The following CPED1 variants were observed in gnomAD, a reference collection of about 807,000 sequenced individuals.
CPED1 encodes cadherin-like and PC-esterase domain-containing protein 1.
Under a neutral mutation model 128.2 loss-of-function variants are expected in CPED1, and 114 were observed. That is an observed-to-expected ratio of 0.89 (90% CI 0.76 to 1.04). The LOEUF is 1.04. CPED1 is among the 50% of genes least tolerant of loss of function. The pLI is 0.00. For missense variants in CPED1, 1,211 were observed against 1,207.1 expected (o/e 1.00, Z -0.05); for synonymous variants, 462 against 426.7 (o/e 1.08, Z -1.02).
At chr7:121,251,989 A>T (rs542771228) in intron 18 of CPED1, among the ~76,000 whole-genome samples, 89 of 151,916 alleles carry the variant, frequency 5.9e-4, no homozygotes, top group African/African-American at 2.1e-3. Flanking sequence ...GAACCAAAAA[A>T]GAGCCCGCAT....
intron 5 of CPED1, among the ~76,000 whole-genome samples, chr7:121,096,406 A>G (rs1176356410): frequency 6.6e-6 from 1 of 152,170 alleles, no homozygotes; most frequent in Non-Finnish European, 1.5e-5. Flanking sequence ...TAGATAAATT[A>G]TATAATTAAA....
Position 121,272,851 on chromosome 7 carries a change from A to C in CPED1, c.2868+1421A>C, listed in dbSNP as rs577845653. Among the ~76,000 whole-genome samples, 7 of 152,102 alleles carry C rather than the reference A, an allele frequency of 4.6e-5. No individual in the cohort carries two copies. In the East Asian group the frequency reaches 1.4e-3, roughly 30 times the overall value. On this transcript the variant is annotated intron_variant, in intron 22 of 22. Transcript: ENST00000310396. ...TAAGGCAAAAATAAAACAACACCCCAATGGGAAGAGGGCCCCAAAACATTG... is the reference window on the plus strand; with the variant it reads ...TAAGGCAAAAATAAAACAACACCCCCATGGGAAGAGGGCCCCAAAACATTG...
At chr7:121,039,815 T>G (rs1793002743) in intron 3 of CPED1, among the ~76,000 whole-genome samples, 1 of 152,080 alleles carries the variant, frequency 6.6e-6, no homozygotes, top group South Asian at 2.1e-4. Context: ...AAAAGTAAAC[T>G]CATTGATTTC....
intron 16 of CPED1, among the ~76,000 whole-genome samples, chr7:121,192,328 C>A (rs895099335): frequency 6.6e-6 from 1 of 152,110 alleles, no homozygotes; most frequent in Non-Finnish European, 1.5e-5. Context: ...CTCATTGGAG[C>A]GTTTTGGATT....
chr7:120,989,888 T>C lies in CPED1; in HGVS notation c.249+18T>C, dbSNP rs1303615862. On this transcript the variant is annotated intron_variant, in intron 2 of 22. Transcript: ENST00000310396. ...CCAGAAAGGTAAGACTCTCATAAGC[T>C]TAACGGAGACAGTTTCTGCAAAGAC... 1 of 1,612,750 alleles carries C rather than the reference T, an allele frequency of 6.2e-7. No homozygotes were observed. Among genetic ancestry groups the C allele is most frequent in the East Asian group, 2.2e-5 (1 of 44,872 alleles).
intron 4 of CPED1, among the ~76,000 whole-genome samples, chr7:121,059,129 G>A (rs557155959): frequency 7.2e-5 from 11 of 152,164 alleles, no homozygotes; most frequent in Non-Finnish European, 8.8e-5. Flanking sequence ...GTATCTCACC[G>A]CAAGTAGACA....
chr7:121,064,924 A>G (rs41366144), intron 5 of CPED1, among the ~76,000 whole-genome samples: 2,016 of 152,312 alleles, frequency 0.013, 39 homozygotes, highest in African/African-American at 0.046. Context: ...AAAAGCCATC[A>G]GTGAAAGGGT....
chr7:121,007,037 C>T (rs906313562), intron 2 of CPED1, among the ~76,000 whole-genome samples: 4 of 151,986 alleles, frequency 2.6e-5, no homozygotes, highest in Admixed American at 2.0e-4. Context: ...GCTGGTGATC[C>T]TAGATATGCA....
intron 16 of CPED1, among the ~76,000 whole-genome samples, chr7:121,169,729 A>G (rs1274626944): frequency 6.6e-6 from 1 of 152,210 alleles, no homozygotes; most frequent in African/African-American, 2.4e-5. Context: ...TCAGAGAGAA[A>G]AAGTGGCAAC....
chr7:121,270,869 T>C (rs916701315), intron 21 of CPED1, among the ~76,000 whole-genome samples: 1 of 152,072 alleles, frequency 6.6e-6, no homozygotes, highest in South Asian at 2.1e-4. Context: ...CTTTTTTGGT[T>C]CCATATGAAT....
At chr7:121,190,890 C>G (rs1797121154) in intron 16 of CPED1, among the ~76,000 whole-genome samples, 1 of 151,966 alleles carries the variant, frequency 6.6e-6, no homozygotes, top group Non-Finnish European at 1.5e-5. Context: ...TTATTAAATC[C>G]TAGTGAAGTC....
chr7:121,261,535 C>CT lies in CPED1; in HGVS notation c.2311-4691dup. 3.3e-6 allele frequency: 5 copies of CT among 1,526,678 alleles called. No individual in the cohort carries two copies. The South Asian group carries it at 4.8e-5, about 15-fold the overall frequency. The allele number at this position is 1,526,678 out of a possible 1,614,324, so 94.6% of individuals were successfully genotyped here. A position where few individuals can be genotyped will look rare whatever the true frequency, so the allele number is the denominator to read the frequency against. ...TGACATTAGGTATTTGGCCATGAGA[C>CT]TGAGTTCTAACCAGTGGAATATGAT... On this transcript the variant is annotated intron_variant, in intron 18 of 22. Transcript: ENST00000310396.
At chr7:121,117,255 C>T (rs1795273913) in intron 7 of CPED1, among the ~76,000 whole-genome samples, 1 of 151,216 alleles carries the variant, frequency 6.6e-6, no homozygotes, top group African/African-American at 2.4e-5. Flanking sequence ...TGAGTACCAC[C>T]ATGCCGGGCT....
rs1367022701 is a variant in CPED1, at chr7:121,136,081, T to G, written c.1690T>G (p.Cys564Gly). The change falls in exon 14 of 23, where the codon TGC becomes GGC. Residue 564 changes from cysteine (C) to glycine (G), a missense_variant. Transcript: ENST00000310396. ...TAAAAATGAAAATAAAGAAATACAT[T>G]GCAGTGATGGTGAGTTGAGATTAAA... The part of the protein sequence containing the change: ...QIKNENKEIH[C>G]SDDENTPCHI... The G allele has an allele frequency of 1.4e-5, 22 of 1,552,934 alleles. No individual in the cohort carries two copies. Among genetic ancestry groups the G allele is most frequent in the Non-Finnish European group, 1.7e-5 (20 of 1,158,702 alleles).
Position 121,266,365 on chromosome 7 carries a change from A to G in CPED1, c.2449A>G (p.Ser817Gly). 6.2e-7 allele frequency: 1 copy of G among 1,613,262 alleles called. No homozygotes were observed. The highest frequency in any genetic ancestry group is 1.3e-5 in the African/African-American group (1 of 74,988). ...CGTCAATGGTGGGAAGACTTTGATC[A>G]GTTATTCCTACTATCCCCAGTTCTG... The part of the protein sequence containing the change: ...HNVNGGKTLI[S>G]YSYYPQFWIS... The change falls in exon 19 of 23, where the codon AGT becomes GGT. Residue 817 changes from serine (S) to glycine (G), a missense_variant. Ser to Gly is a moderately conservative substitution (Grantham distance 56). Transcript: ENST00000310396.
chr7:121,169,357 C>G (rs1259995391), intron 16 of CPED1, among the ~76,000 whole-genome samples: 1 of 151,940 alleles, frequency 6.6e-6, no homozygotes, highest in Non-Finnish European at 1.5e-5. Flanking sequence ...AATTTTTGAT[C>G]CTATTTCCCG....
At chr7:121,043,939 T>C (rs1320526077) in intron 3 of CPED1, among the ~76,000 whole-genome samples, 2 of 152,218 alleles carry the variant, frequency 1.3e-5, no homozygotes, top group Non-Finnish European at 2.9e-5. Flanking sequence ...CCTTGGGCAT[T>C]TGCCTCCTAA....
intron 16 of CPED1, among the ~76,000 whole-genome samples, chr7:121,170,558 A>T (rs1796629355): frequency 3.3e-5 from 5 of 152,288 alleles, no homozygotes; most frequent in Admixed American, 2.6e-4. Flanking sequence ...GTTAACACTT[A>T]CTGTTATTAT....
chr7:121,148,238 A>G (rs1205634107), intron 16 of CPED1, among the ~76,000 whole-genome samples: 1 of 152,308 alleles, frequency 6.6e-6, no homozygotes, highest in East Asian at 1.9e-4. Flanking sequence ...ACATTTATTA[A>G]GTACCCACTA....
Sources: allele counts gnomAD v4.1 joint callset (sites outside exome capture counted in the v4.1 genomes callset), GRCh38; gene constraint gnomAD v4.1.1; transcripts MANE v1.5; gene names NCBI Gene and HGNC (gene_info 2026-07-23, HGNC 2026-07-21).